The following NMI variants were observed in gnomAD, a reference collection of about 807,000 sequenced individuals.
NMI encodes the protein N-myc and STAT interactor.
In NMI, 39 loss-of-function variants were observed where a neutral mutation model predicts 34.3. The observed-to-expected ratio is 1.14, with a 90% CI of 0.88 to 1.49. The LOEUF is 1.49. NMI is among the 40% of genes most tolerant of loss of function. The pLI is 0.00. For missense variants in NMI, 339 were observed against 358.1 expected (o/e 0.95, Z 0.43); for synonymous variants, 113 against 120.3 (o/e 0.94, Z 0.40).
At position 151,270,670 on chromosome 2, in the gene NMI, T is replaced by C. The variant is rs140955412; in HGVS notation, c.*23A>G. The C allele has an allele frequency of 5.7e-5, 90 of 1,565,230 alleles. No individual in the cohort carries two copies. In the African/African-American group the frequency reaches 6.3e-4, roughly 11 times the overall value. On this transcript the variant is annotated 3_prime_UTR_variant, in exon 8 of 8. Coordinates refer to ENST00000243346, the MANE Select transcript of NMI (RefSeq NM_004688.3). ...TACAGTAATCCGGGTTAAAAAGCTA[T>C]AGTTTTCATGATTCTGTTAAGTCTA...
intron 6 of NMI, 80 bp from the exon 7 acceptor site, chr2:151,271,812 G>T: frequency 1.4e-6 from 1 of 715,886 alleles, no homozygotes; most frequent in Non-Finnish European, 2.4e-6. Flanking sequence ...CCTTCAAAGA[G>T]AACACTATTA....
chr2:151,274,927 C>T (rs564280526), intron 6 of NMI, among the ~76,000 whole-genome samples: 53 of 151,924 alleles, frequency 3.5e-4, no homozygotes, highest in Non-Finnish European at 6.6e-4. Context: ...GTCTCCCAGG[C>T]TGTAGTGCAG....
chr2:151,283,090 T>C (rs1360886476), intron 1 of NMI, 136 bp from the exon 2 acceptor site: 1 of 446,042 alleles, frequency 2.2e-6, no homozygotes, highest in African/African-American at 2.0e-5. Context: ...CATCAAAGGC[T>C]TTATTATCAT....
intron 5 of NMI, 31 bp downstream of exon 5, chr2:151,275,727 G>C: frequency 6.2e-7 from 1 of 1,609,686 alleles, no homozygotes; most frequent in Non-Finnish European, 8.5e-7. Flanking sequence ...GTGATGAACA[G>C]AAATCCAAAA....
intron 6 of NMI, among the ~76,000 whole-genome samples, chr2:151,273,210 T>G (rs1419314227): frequency 6.6e-6 from 1 of 152,204 alleles, no homozygotes; most frequent in African/African-American, 2.4e-5. Context: ...GATATGTTGC[T>G]TGACTTCTTA....
Position 151,275,669 on chromosome 2 carries a change from A to G in NMI, c.449T>C (p.Val150Ala), listed in dbSNP as rs748140531. Residue 150 changes from valine to alanine, a missense_variant and splice_region_variant, in exon 6 of 8, where the codon GTT (valine) becomes GCT (alanine). Coordinates refer to ENST00000243346, the MANE Select transcript of NMI (RefSeq NM_004688.3). ...TTTCATTTTAGAAACTTCTACATAAACCTGGAAAATGATTTGATGTTCAGA... is the reference window on the plus strand; with the variant it reads ...TTTCATTTTAGAAACTTCTACATAAGCCTGGAAAATGATTTGATGTTCAGA... ...VPLNSGVRFQ[V>A]YVEVSKMKIN... 5 of 1,613,892 alleles carry G rather than the reference A, an allele frequency of 3.1e-6. No homozygotes were observed. Among genetic ancestry groups the G allele is most frequent in the Non-Finnish European group, 4.2e-6 (5 of 1,179,750 alleles).
chr2:151,270,472 T>C lies in NMI; in HGVS notation c.*221A>G. On this transcript the variant is annotated 3_prime_UTR_variant, in exon 8 of 8. Coordinates refer to ENST00000243346, the MANE Select transcript of NMI (RefSeq NM_004688.3). ...ACATGGCACCAATACACATAATCTA[T>C]AAACAAAACTTTTTATTACAGTGCA... 3.9e-6 allele frequency: 2 copies of C among 506,688 alleles called. No individual in the cohort carries two copies. Among genetic ancestry groups the C allele is most frequent in the Non-Finnish European group, 6.9e-6 (2 of 289,040 alleles). The allele number at this position is 506,688 out of a possible 1,614,324, so 31.4% of individuals were successfully genotyped here. A position where few individuals can be genotyped will look rare whatever the true frequency, so the allele number is the denominator to read the frequency against.
At chr2:151,277,855 C>G (rs1379380559) in intron 4 of NMI, 1 of 152,148 alleles carries the variant, frequency 6.6e-6, no homozygotes, top group Non-Finnish European at 1.5e-5. Context: ...GGTCCCTCAC[C>G]ACATAACTTA....
At position 151,281,950 on chromosome 2, in the gene NMI, G is replaced by A. The variant is rs757147192; in HGVS notation, c.175C>T (p.Gln59Ter). The A allele has an allele frequency of 6.9e-7, 1 of 1,458,316 alleles. No individual in the cohort carries two copies. Among genetic ancestry groups the A allele is most frequent in the East Asian group, 2.3e-5 (1 of 43,974 alleles). The allele number at this position is 1,458,316 out of a possible 1,614,324, so 90.3% of individuals were successfully genotyped here. A position where few individuals can be genotyped will look rare whatever the true frequency, so the allele number is the denominator to read the frequency against. Residue 59 changes from glutamine (Q) to a stop codon, truncating the protein, a stop_gained and splice_region_variant, in exon 3 of 8, where the codon CAG becomes TAG. Coordinates refer to ENST00000243346, the MANE Select transcript of NMI (RefSeq NM_004688.3). LOFTEE classifies it high-confidence loss of function. ...TELQEATKEF[Q>*]IKEDIPETKM... ...ATATAAAATAATTAAGAGAGTACCT[G>A]GAATTCTTTGGTAGCCTCTTGTAAC... is the stretch of plus-strand genomic sequence containing the variant.
intron 3 of NMI, 92 bp downstream of exon 3, chr2:151,281,856 G>A (rs1283559370): frequency 1.4e-6 from 1 of 715,832 alleles, no homozygotes; most frequent in Non-Finnish European, 2.5e-6. Context: ...TGATGATAAG[G>A]TTTTAAAAAT....
At chr2:151,270,918 T>C (rs746489876) in intron 7 of NMI, 43 bp from the exon 8 acceptor site, 1 of 1,440,118 alleles carries the variant, frequency 6.9e-7, no homozygotes, top group South Asian at 1.2e-5. Flanking sequence ...TCTAAGAGCT[T>C]TGAATTACAA....
chr2:151,279,264 T>C (rs1212953914), intron 3 of NMI, among the ~76,000 whole-genome samples: 1 of 152,204 alleles, frequency 6.6e-6, no homozygotes, highest in Non-Finnish European at 1.5e-5. Context: ...AAACTGTCAA[T>C]ATTGTATGGT....
intron 6 of NMI, among the ~76,000 whole-genome samples, chr2:151,274,159 A>G (rs1331312943): frequency 6.6e-6 from 1 of 151,412 alleles, no homozygotes; most frequent in Non-Finnish European, 1.5e-5. Flanking sequence ...CCTGACCAAC[A>G]TGGTGAAACC....
intron 1 of NMI, among the ~76,000 whole-genome samples, chr2:151,286,118 A>G (rs976750604): frequency 2.0e-5 from 3 of 152,246 alleles, no homozygotes; most frequent in African/African-American, 7.2e-5. Flanking sequence ...ATACTGGAGA[A>G]GTCTGGCAGA....
chr2:151,271,641 G>C lies in NMI; in HGVS notation c.726C>G (p.His242Gln), dbSNP rs1441552638. 6 of 1,513,390 alleles carry C rather than the reference G, an allele frequency of 4.0e-6. No homozygotes were observed. Among genetic ancestry groups the C allele is most frequent in the Non-Finnish European group, 2.8e-6 (3 of 1,090,700 alleles). The allele number at this position is 1,513,390 out of a possible 1,614,324, so 93.7% of individuals were successfully genotyped here. A position where few individuals can be genotyped will look rare whatever the true frequency, so the allele number is the denominator to read the frequency against. The change falls in exon 7 of 8, where the codon CAC becomes CAG. Residue 242 changes from histidine to glutamine, a missense_variant. His to Gln is a conservative substitution (Grantham distance 24, BLOSUM62 0). Transcript: ENST00000243346. ...RVTVSPYTEI[H>Q]LKKYQIFSGT... ...ATGACTTTACCTGATACTTTTTCAA[G>C]TGTATTTCTGTGTATGGAGAAACAG...
In NMI at chr2:151,279,509, A is replaced by G. The variant is rs1277954057; in HGVS notation, c.178-519T>C. ...TTTATTTATTTTGAGACAGAGTCTC[A>G]CTCTGTTGCCAGGCTGGAGTACAGT... On this transcript the variant is annotated intron_variant, in intron 3 of 7. Coordinates refer to ENST00000243346, the MANE Select transcript of NMI (RefSeq NM_004688.3). 2.0e-5 allele frequency among the ~76,000 whole-genome samples: 3 copies of G among 152,090 alleles called. No homozygotes were observed. The East Asian group carries it at 5.8e-4, about 29-fold the overall frequency.
In NMI at chr2:151,270,506, A is replaced by G. The variant is rs1683163960; in HGVS notation, c.*187T>C. ...CTTTTTATTACAGTGCACTTATTGT[A>G]GTTGAAAACATGCAGCACCATTTGA... On this transcript the variant is annotated 3_prime_UTR_variant, in exon 8 of 8. Coordinates refer to ENST00000243346, the MANE Select transcript of NMI (RefSeq NM_004688.3). The G allele has an allele frequency of 1.0e-5, 6 of 575,614 alleles. No homozygotes were observed. Among genetic ancestry groups the G allele is most frequent in the Non-Finnish European group, 1.8e-5 (6 of 331,370 alleles). The allele number at this position is 575,614 out of a possible 1,614,324, so 35.7% of individuals were successfully genotyped here.
Position 151,270,502 on chromosome 2 carries a change from TTGTAGTTGAAAAC to T in NMI, c.*178_*190del. 1.8e-6 allele frequency: 1 copy of T among 571,216 alleles called. No homozygotes were observed. The highest frequency in any genetic ancestry group is 3.0e-6 in the Non-Finnish European group (1 of 328,464). The allele number at this position is 571,216 out of a possible 1,614,324, so 35.4% of individuals were successfully genotyped here. A position where few individuals can be genotyped will look rare whatever the true frequency, so the allele number is the denominator to read the frequency against. On this transcript the variant is annotated 3_prime_UTR_variant, in exon 8 of 8. Transcript: ENST00000243346. ...AAAACTTTTTATTACAGTGCACTTA[TTGTAGTTGAAAAC>T]ATGCAGCACCATTTGAAACAAAGAA...
chr2:151,270,592 A>T lies in NMI; in HGVS notation c.*101T>A, dbSNP rs554781538. 3 of 952,742 alleles carry T rather than the reference A, an allele frequency of 3.1e-6. No homozygotes were observed. The South Asian group carries it at 5.2e-5, about 17-fold the overall frequency. The allele number at this position is 952,742 out of a possible 1,614,324, so 59.0% of individuals were successfully genotyped here. ...GTATCTAAACATAAATGGATGGTAA[A>T]AATTAAAGTTTTCATTTTTTAAGGA... is the stretch of plus-strand genomic sequence containing the variant. On this transcript the variant is annotated 3_prime_UTR_variant, in exon 8 of 8. Transcript: ENST00000243346.
Sources: allele counts gnomAD v4.1 joint callset (sites outside exome capture counted in the v4.1 genomes callset), GRCh38; gene constraint gnomAD v4.1.1; transcripts MANE v1.5; gene names NCBI Gene and HGNC (gene_info 2026-07-23, HGNC 2026-07-21).